Variants in MAST4 observed in about 807,000 individuals in gnomAD.
The protein encoded by MAST4 is microtubule associated serine/threonine kinase family member 4, also known as microtubule-associated serine/threonine-protein kinase 4.
In MAST4, 89 loss-of-function variants were observed where a neutral mutation model predicts 162.7. The ratio of observed to expected loss-of-function variants is 0.55; its 90% CI spans 0.46 to 0.65. MAST4 has a LOEUF of 0.65. MAST4 is among the 30% of genes least tolerant of loss of function. The probability of loss-of-function intolerance (pLI) is 0.00; values close to 1 mark genes in which losing one functional copy is unlikely to be tolerated. For synonymous variants in MAST4, 1,479 were observed against 1,361.1 expected, an observed-to-expected ratio of 1.09 and a Z score of -1.91; for missense variants, 3,153 against 3,374.0, an observed-to-expected ratio of 0.93 and a Z score of 1.62.
intron 4 of MAST4, among the ~76,000 whole-genome samples, chr5:66,942,168 T>C (rs986656866): frequency 6.6e-6 from 1 of 152,156 alleles, no homozygotes; most frequent in Non-Finnish European, 1.5e-5. Context: ...AGGGTTACCA[T>C]ACATCTTCAA....
At chr5:66,986,927 T>C (rs1197311371) in intron 4 of MAST4, among the ~76,000 whole-genome samples, 1 of 152,170 alleles carries the variant, frequency 6.6e-6, no homozygotes, top group Non-Finnish European at 1.5e-5. Context: ...TGTCTATATT[T>C]TGTTTCAAAC....
At chr5:66,990,345 T>TA (rs1459220134) in intron 4 of MAST4, among the ~76,000 whole-genome samples, 1 of 152,052 alleles carries the variant, frequency 6.6e-6, no homozygotes, top group Non-Finnish European at 1.5e-5. Context: ...ACCTCAGAAA[T>TA]ATAGTCTAGG....
intron 1 of MAST4, among the ~76,000 whole-genome samples, chr5:66,736,615 G>T (rs1204030216): frequency 6.6e-6 from 1 of 152,148 alleles, no homozygotes; most frequent in Non-Finnish European, 1.5e-5. Flanking sequence ...TAAGACGAAG[G>T]TAGAGTATGA....
At chr5:67,142,620 AC>A (rs976343429) in intron 21 of MAST4, 87 bp downstream of exon 21, 36 of 901,972 alleles carry the variant, frequency 4.0e-5, no homozygotes, top group African/African-American at 2.5e-4. Flanking sequence ...CTGGACACTT[AC>A]CGTTTTCCAG....
intron 12 of MAST4, among the ~76,000 whole-genome samples, chr5:67,116,251 G>A (rs1282200760): frequency 6.6e-6 from 1 of 151,996 alleles, no homozygotes; most frequent in Admixed American, 6.6e-5. Context: ...CGTTGCCCAG[G>A]CTGGAGTGTA....
chr5:67,056,739 C>T (rs1452549926), intron 5 of MAST4, among the ~76,000 whole-genome samples: 1 of 152,152 alleles, frequency 6.6e-6, no homozygotes, highest in Non-Finnish European at 1.5e-5. Flanking sequence ...CTCTGTTGCC[C>T]AGGCTGGAGT....
chr5:66,707,480 C>T (rs146565665), intron 1 of MAST4, among the ~76,000 whole-genome samples: 4 of 152,146 alleles, frequency 2.6e-5, no homozygotes, highest in African/African-American at 9.7e-5. Context: ...GTTCTGGAGG[C>T]TGGAAGTTCA....
intron 18 of MAST4, among the ~76,000 whole-genome samples, chr5:67,135,632 A>T (rs1341242965): frequency 6.6e-6 from 1 of 152,190 alleles, no homozygotes; most frequent in African/African-American, 2.4e-5. Context: ...GCAGTGTATG[A>T]CCCCTTTATA....
intron 4 of MAST4, among the ~76,000 whole-genome samples, chr5:67,045,533 A>G (rs1156710485): frequency 6.6e-6 from 1 of 152,224 alleles, no homozygotes; most frequent in East Asian, 1.9e-4. Flanking sequence ...ACAACAGACC[A>G]CATATATGAA....
intron 14 of MAST4, among the ~76,000 whole-genome samples, chr5:67,123,755 T>TA (rs927670436): frequency 8.5e-5 from 13 of 152,184 alleles, no homozygotes; most frequent in Admixed American, 6.5e-4. Flanking sequence ...TTTTTAAAAG[T>TA]AAAAAACTAA....
intron 11 of MAST4, among the ~76,000 whole-genome samples, chr5:67,113,459 A>T (rs1002049911): frequency 1.3e-5 from 2 of 152,122 alleles, no homozygotes; most frequent in East Asian, 1.9e-4. Flanking sequence ...AAAATTAAAT[A>T]GATAGGAAAA....
At chr5:66,683,991 T>C (rs548789132) in intron 1 of MAST4, among the ~76,000 whole-genome samples, 15 of 152,210 alleles carry the variant, frequency 9.9e-5, no homozygotes, top group Admixed American at 5.2e-4. Context: ...AATGACAGTG[T>C]CAGATCACAT....
rs116397938 is a variant in MAST4 at position 67,140,510 on chromosome 5, C to T, written c.2495-1605C>T. On this transcript the variant is annotated intron_variant, in intron 19 of 28. Transcript: ENST00000403625. ...GGCAGTTCTGAATCTGTTTGCAAAG[C>T]GATGCAAGAGAGGTGGTGGAGTAGG... is the stretch of plus-strand genomic sequence containing the variant. 2.3e-3 allele frequency among the ~76,000 whole-genome samples: 344 copies of T among 152,272 alleles called. 4 individuals carry two copies. Among genetic ancestry groups the T allele is most frequent in the African/African-American group, 7.8e-3 (323 of 41,562 alleles).
intron 4 of MAST4, among the ~76,000 whole-genome samples, chr5:67,017,376 T>C (rs999463410): frequency 6.6e-6 from 1 of 152,184 alleles, no homozygotes; most frequent in Non-Finnish European, 1.5e-5. Context: ...GTCTTATTAC[T>C]ATTAACCTAG....
intron 27 of MAST4, among the ~76,000 whole-genome samples, chr5:67,162,373 A>G (rs1773284332): frequency 6.6e-6 from 1 of 151,804 alleles, no homozygotes; most frequent in Non-Finnish European, 1.5e-5. Context: ...TATTTTTCCA[A>G]CTCTTCTTAA....
At chr5:66,721,898 C>T (rs1286949385) in intron 1 of MAST4, among the ~76,000 whole-genome samples, 1 of 151,956 alleles carries the variant, frequency 6.6e-6, no homozygotes, top group Non-Finnish European at 1.5e-5. Context: ...CGTATCTAGG[C>T]TATTGGGCAA....
At chr5:66,800,505 G>T (rs1755864460) in intron 3 of MAST4, among the ~76,000 whole-genome samples, 1 of 152,034 alleles carries the variant, frequency 6.6e-6, no homozygotes, top group Non-Finnish European at 1.5e-5. Context: ...GAACACGTGG[G>T]CACAAAGTTG....
At chr5:67,006,695 A>G (rs1257637011) in intron 4 of MAST4, among the ~76,000 whole-genome samples, 3 of 152,124 alleles carry the variant, frequency 2.0e-5, no homozygotes, top group Admixed American at 6.5e-5. Context: ...TGATAGTATT[A>G]TTGGAGAGAG....
At chr5:67,113,970 C>A in intron 11 of MAST4, 117 bp from the exon 12 acceptor site, 2 of 1,128,636 alleles carry the variant, frequency 1.8e-6, no homozygotes, top group Non-Finnish European at 1.3e-6. Flanking sequence ...CTCCTTTCTG[C>A]ATAAGTAACT....
Sources: allele counts gnomAD v4.1 joint callset (sites outside exome capture counted in the v4.1 genomes callset), GRCh38; gene constraint gnomAD v4.1.1; transcripts MANE v1.5; gene names NCBI Gene and HGNC (gene_info 2026-07-23, HGNC 2026-07-21).